Variants in PTPRE observed in about 807,000 individuals in gnomAD.
PTPRE encodes receptor-type tyrosine-protein phosphatase epsilon.
A neutral mutation model predicts 102.0 loss-of-function variants in PTPRE; 51 were observed. The observed-to-expected ratio is 0.50, with a 90% CI of 0.40 to 0.63. The LOEUF (loss-of-function observed/expected upper bound fraction) is 0.63, where lower values mean the gene tolerates loss of function less well. PTPRE is among the 30% of genes least tolerant of loss of function. The probability of loss-of-function intolerance (pLI) is 0.00; values close to 1 mark genes in which losing one functional copy is unlikely to be tolerated. For synonymous variants in PTPRE, 345 were observed against 348.2 expected (o/e 0.99, Z 0.10); for missense variants, 752 against 915.1 (o/e 0.82, Z 2.30).
intron 7 of PTPRE, 141 bp downstream of exon 7, chr10:128,056,354 G>T (rs1848960205): frequency 4.4e-6 from 3 of 681,148 alleles, no homozygotes; most frequent in Admixed American, 2.5e-5. Context: ...TTGCACCTAG[G>T]ACTCCAGAAC....
chr10:128,032,231 G>C (rs919648859), intron 2 of PTPRE, among the ~76,000 whole-genome samples: 2 of 152,242 alleles, frequency 1.3e-5, no homozygotes, highest in Admixed American at 6.5e-5. Flanking sequence ...GGCCACAGTG[G>C]TCTTGAACTC....
Position 128,070,774 on chromosome 10 carries a change from T to C in PTPRE, c.1294-34T>C. 2 of 1,593,948 alleles carry C rather than the reference T, an allele frequency of 1.3e-6. No individual in the cohort carries two copies. Among genetic ancestry groups the C allele is most frequent in the South Asian group, 1.1e-5 (1 of 90,400 alleles). On this transcript the variant is annotated intron_variant, in intron 14 of 20. Coordinates refer to ENST00000254667, the MANE Select transcript of PTPRE (RefSeq NM_006504.6). This position sits in a 1 kb window ranked among gnomAD's most constrained non-coding sequence, Gnocchi z 4.8. ...GCAATGTGCTCAGGAGTGTCAGAGG[T>C]TTAACTGTGTCATTATATCCTTCTC... is the stretch of plus-strand genomic sequence containing the variant.
chr10:128,006,030 T>G (rs756821419), intron 2 of PTPRE, among the ~76,000 whole-genome samples: 1 of 151,892 alleles, frequency 6.6e-6, no homozygotes, highest in Non-Finnish European at 1.5e-5. Context: ...TGGATTAGGG[T>G]CCACCCTAAT....
At chr10:128,023,403 G>A (rs1018908674) in intron 2 of PTPRE, among the ~76,000 whole-genome samples, 3 of 151,966 alleles carry the variant, frequency 2.0e-5, no homozygotes, top group Admixed American at 6.6e-5. Context: ...TACATAGTAC[G>A]TATAGAAAAC....
At chr10:127,937,523 G>A (rs938904073) in intron 1 of PTPRE, among the ~76,000 whole-genome samples, 5 of 152,140 alleles carry the variant, frequency 3.3e-5, no homozygotes, top group Non-Finnish European at 7.4e-5. Context: ...TCAATATCTC[G>A]GTAGAGAAAA....
intron 4 of PTPRE, 46 bp from the exon 5 acceptor site, chr10:128,047,718 G>C: frequency 6.2e-7 from 1 of 1,614,042 alleles, no homozygotes; most frequent in Non-Finnish European, 8.5e-7. Context: ...GTTGGCTCTC[G>C]GGGAACCTAG....
At chr10:127,917,172 C>T (rs1045160490) in intron 1 of PTPRE, among the ~76,000 whole-genome samples, 3 of 151,176 alleles carry the variant, frequency 2.0e-5, no homozygotes, top group Non-Finnish European at 4.4e-5. Flanking sequence ...TGGATGCATC[C>T]GGACCAGACA....
chr10:128,020,902 T>C lies in PTPRE; in HGVS notation c.-7-19973T>C, dbSNP rs1000335452. 1.1e-4 allele frequency among the ~76,000 whole-genome samples: 16 copies of C among 147,148 alleles called. 1 individual carries two copies. The highest frequency in any genetic ancestry group is 4.4e-4 in the South Asian group (2 of 4,578). On this transcript the variant is annotated intron_variant, in intron 2 of 20. Transcript: ENST00000254667. Reference sequence around the variant, plus strand: ...GTGGGTACAGTGTCTTTTTTTTTTCTTTTTTTTTTTCTTGAGATGGAGTCT... The same window carrying C: ...GTGGGTACAGTGTCTTTTTTTTTTCCTTTTTTTTTTCTTGAGATGGAGTCT...
chr10:128,059,414 G>A (rs1849308178), intron 7 of PTPRE, among the ~76,000 whole-genome samples: 2 of 152,188 alleles, frequency 1.3e-5, no homozygotes, highest in Admixed American at 1.3e-4. Flanking sequence ...CCAGCCCGTG[G>A]CCCACCTGGC....
chr10:128,002,496 C>T (rs192913395), intron 2 of PTPRE, among the ~76,000 whole-genome samples: 3 of 151,898 alleles, frequency 2.0e-5, no homozygotes, highest in Admixed American at 1.3e-4. Flanking sequence ...TGCAGCAGTG[C>T]GTAGGTAGGC....
intron 1 of PTPRE, chr10:127,934,093 AGTT>A (rs1173851328): frequency 1.5e-5 from 2 of 134,146 alleles, no homozygotes; most frequent in Admixed American, 8.8e-5. Context: ...TCTTTCCCAC[AGTT>A]GTTTTGAAAA....
At position 128,063,298 on chromosome 10, in the gene PTPRE, A is replaced by G. The variant is rs113730842; in HGVS notation, c.723+118A>G. On this transcript the variant is annotated intron_variant, in intron 10 of 20. Coordinates refer to ENST00000254667, the MANE Select transcript of PTPRE (RefSeq NM_006504.6). ...TCCCTTCCTCCCACTATCACTGCAG[A>G]AAAAAACCCAAACACATGCAGTGGC... 3.9e-3 allele frequency: 5,818 copies of G among 1,483,156 alleles called. 200 individuals carry two copies. In the African/African-American group the frequency reaches 0.073, roughly 19 times the overall value. 91.9% of individuals were successfully genotyped at this position (1,483,156 alleles called of 1,614,324 possible). A position where few individuals can be genotyped will look rare whatever the true frequency, so the allele number is the denominator to read the frequency against.
rs1163527036 is a variant in PTPRE, at chr10:127,907,681, G to C, written c.-31+372G>C. Among the ~76,000 whole-genome samples, 1 of 152,158 alleles carries C rather than the reference G, an allele frequency of 6.6e-6. No individual in the cohort carries two copies. The highest frequency in any genetic ancestry group is 6.5e-5 in the Admixed American group (1 of 15,284). On this transcript the variant is annotated intron_variant, in intron 1 of 20. Transcript: ENST00000254667. The surrounding 1 kb of genome is among the most constrained non-coding windows in gnomAD (Gnocchi z 4.8). ...TACGTGAAAGCGGGCGACACAGAGA[G>C]GGGGTGCAGGCCGCGCGTGGGGGGC...
At chr10:127,995,063 A>C (rs188487953) in intron 2 of PTPRE, among the ~76,000 whole-genome samples, 22 of 152,278 alleles carry the variant, frequency 1.4e-4, no homozygotes, top group Non-Finnish European at 2.5e-4. Flanking sequence ...CCACCAAAAA[A>C]AGTAAATCTG....
At chr10:128,052,998 C>T (rs1241987379) in intron 6 of PTPRE, among the ~76,000 whole-genome samples, 1 of 152,178 alleles carries the variant, frequency 6.6e-6, no homozygotes, top group East Asian at 1.9e-4. Context: ...CCTGTACTCT[C>T]AGCACTTTGA....
intron 2 of PTPRE, among the ~76,000 whole-genome samples, chr10:128,016,761 T>TTG (rs1027360061): frequency 2.0e-5 from 3 of 152,210 alleles, no homozygotes; most frequent in African/African-American, 7.2e-5. Context: ...TTTGGATTTG[T>TTG]TGGTATGACT....
chr10:127,975,600 A>T (rs1316533966), intron 1 of PTPRE, among the ~76,000 whole-genome samples: 1 of 152,132 alleles, frequency 6.6e-6, no homozygotes, highest in Non-Finnish European at 1.5e-5. Context: ...GTGTGTTTCC[A>T]ATTGGCACGC....
chr10:128,017,732 TA>T (rs971744201), intron 2 of PTPRE, among the ~76,000 whole-genome samples: 1 of 152,158 alleles, frequency 6.6e-6, no homozygotes, highest in Non-Finnish European at 1.5e-5. Context: ...TTCACTGCCC[TA>T]AAAATTCTCT....
intron 19 of PTPRE, 63 bp from the exon 20 acceptor site, chr10:128,079,497 C>T: frequency 6.3e-7 from 1 of 1,575,032 alleles, no homozygotes; most frequent in Non-Finnish European, 8.6e-7. Context: ...TGGCTGTCAG[C>T]TCTCCATTTC....
Sources: gnomAD v4.1 joint callset for allele counts (sites outside exome capture counted in the v4.1 genomes callset) on GRCh38, gnomAD v4.1.1 for gene constraint, Gnocchi (gnomAD v3.1) non-coding constraint, MANE v1.5 for transcripts, NCBI Gene and HGNC (gene_info 2026-07-23, HGNC 2026-07-21) for gene names.